The following RBPJ variants were observed in gnomAD, a reference collection of about 807,000 sequenced individuals.
RBPJ encodes recombination signal binding protein for immunoglobulin kappa J region.
In RBPJ, 9 loss-of-function variants were observed where a neutral mutation model predicts 67.8. That is an observed-to-expected ratio of 0.13 (90% CI 0.08 to 0.23). RBPJ has a LOEUF of 0.23. Among genes scored for constraint, RBPJ ranks in the 10% least tolerant of loss-of-function variants. The pLI is 1.00. For missense variants in RBPJ, 305 were observed against 595.6 expected, an observed-to-expected ratio of 0.51 and a Z score of 5.08; for synonymous variants, 198 against 203.3, an observed-to-expected ratio of 0.97 and a Z score of 0.22.
At chr4:26,143,897 C>T in the RBPJ span, among the ~76,000 whole-genome samples, 1 of 152,178 alleles carries the variant, frequency 6.6e-6, no homozygotes, top group African/African-American at 2.4e-5. Context: ...CACTGCACTC[C>T]AGCCTGCGCA....
chr4:26,189,185 C>G (rs888108942), intron 1 of RBPJ, among the ~76,000 whole-genome samples: 8 of 152,040 alleles, frequency 5.3e-5, no homozygotes, highest in Admixed American at 5.2e-4. Context: ...CTACTGTACT[C>G]CTGCCTGGGC....
chr4:26,321,104 G>A, intron 1 of RBPJ, 56 bp downstream of exon 1: 1 of 1,426,854 alleles, frequency 7.0e-7, no homozygotes, highest in Non-Finnish European at 9.8e-7. Flanking sequence ...GCGTCTGGCA[G>A]CTCACGGCGG....
At chr4:26,319,415 G>C (rs1204305936), upstream of RBPJ, among the ~76,000 whole-genome samples, 6 of 143,604 alleles carry the variant, frequency 4.2e-5, no homozygotes, top group South Asian at 4.8e-4. Flanking sequence ...CCTCCGCCCC[G>C]TGCTCCCAGC....
chr4:26,230,577 A>G (rs1033440625), intron 1 of RBPJ, among the ~76,000 whole-genome samples: 1 of 152,204 alleles, frequency 6.6e-6, no homozygotes, highest in Non-Finnish European at 1.5e-5. Flanking sequence ...TTGGACCTTG[A>G]AAGACTAACT....
chr4:26,400,519 A>G (rs987051246), intron 2 of RBPJ, among the ~76,000 whole-genome samples: 4 of 152,104 alleles, frequency 2.6e-5, no homozygotes, highest in Non-Finnish European at 4.4e-5. Flanking sequence ...TTTACTATTT[A>G]TTGTGTTTCT....
intron 1 of RBPJ, among the ~76,000 whole-genome samples, chr4:26,236,857 T>C (rs77232366): frequency 0.012 from 1,862 of 152,288 alleles, 37 homozygotes; most frequent in African/African-American, 0.043. Flanking sequence ...GTAGCTATTA[T>C]TACAATGGCC....
At chr4:26,232,748 C>T (rs1719333117) in intron 1 of RBPJ, among the ~76,000 whole-genome samples, 1 of 152,176 alleles carries the variant, frequency 6.6e-6, no homozygotes, top group African/African-American at 2.4e-5. Flanking sequence ...TATGTGGTCC[C>T]TGCAGCCAGT....
At chr4:26,320,501 G>A (rs1017594295), upstream of RBPJ, 11 of 472,624 alleles carry the variant, frequency 2.3e-5, no homozygotes, top group African/African-American at 2.0e-4. Flanking sequence ...GGCGCCCAGG[G>A]AACGTTTGAA....
Position 26,430,551 on chromosome 4 carries a change from A to C in RBPJ, c.1148+29A>C. 6.4e-7 allele frequency: 1 copy of C among 1,559,130 alleles called. No individual in the cohort carries two copies. The highest frequency in any genetic ancestry group is 8.7e-7 in the Non-Finnish European group (1 of 1,144,240). On this transcript the variant is annotated intron_variant, in intron 10 of 10. Transcript: ENST00000355476. The surrounding 1 kb of genome is among the most constrained non-coding windows in gnomAD (Gnocchi z 4.1). ...CTTGATAAAACTTTTTGCATCATCC[A>C]GAGGTTGTGAGGGGTGTGGGTACAG... is the stretch of plus-strand genomic sequence containing the variant.
At chr4:26,346,018 A>AACACAC (rs146763637) in intron 1 of RBPJ, among the ~76,000 whole-genome samples, 1 of 151,608 alleles carries the variant, frequency 6.6e-6, no homozygotes, top group Non-Finnish European at 1.5e-5. Context: ...TGGAAATTAA[A>AACACAC]ACACACACAC....
In RBPJ at chr4:26,215,309, AAG is replaced by A. The variant is rs1185697140; in HGVS notation, c.-167+51699_-167+51700del. 5.9e-5 allele frequency among the ~76,000 whole-genome samples: 7 copies of A among 118,810 alleles called. 1 individual carries two copies. The highest frequency in any genetic ancestry group is 8.9e-5 in the Admixed American group (1 of 11,206). The allele number at this position is 118,810 out of a possible 152,430, so 77.9% of individuals were successfully genotyped here. On this transcript the variant is annotated intron_variant, in intron 1 of 4. Coordinates refer to the RBPJ transcript ENST00000512351. ...GAAAGAAAGAGAAAAAGAGAGAGAA[AAG>A]AGAAAGAAAGAAAGAAAAAGAGAGA...
intron 1 of RBPJ, among the ~76,000 whole-genome samples, chr4:26,336,321 A>G (rs1055602503): frequency 6.6e-6 from 1 of 152,118 alleles, no homozygotes; most frequent in Admixed American, 6.5e-5. Flanking sequence ...TACTATTTCT[A>G]TGAAAGATTA....
At chr4:26,150,562 C>T in the RBPJ span, among the ~76,000 whole-genome samples, 3 of 152,176 alleles carry the variant, frequency 2.0e-5, no homozygotes, top group African/African-American at 4.8e-5. Context: ...TGCAGCCTTA[C>T]GGAAGCTACT....
At chr4:26,205,553 C>A (rs1718140037) in intron 1 of RBPJ, among the ~76,000 whole-genome samples, 1 of 152,052 alleles carries the variant, frequency 6.6e-6, no homozygotes, top group Non-Finnish European at 1.5e-5. Context: ...GATTCCAGAC[C>A]AGCCTGGGCA....
chr4:26,270,001 G>A (rs796655114), intron 1 of RBPJ, among the ~76,000 whole-genome samples: 10 of 152,082 alleles, frequency 6.6e-5, no homozygotes, highest in African/African-American at 2.4e-4. Context: ...CTGGTATGGG[G>A]CCAGGCACGG....
chr4:26,348,946 ATCC>A (rs1175100745), intron 1 of RBPJ, among the ~76,000 whole-genome samples: 1 of 152,172 alleles, frequency 6.6e-6, no homozygotes, highest in Non-Finnish European at 1.5e-5. Context: ...GCTTCTAGTT[ATCC>A]TCCTACCTAG....
intron 1 of RBPJ, among the ~76,000 whole-genome samples, chr4:26,288,805 C>G (rs983566150): frequency 3.3e-5 from 5 of 152,292 alleles, no homozygotes; most frequent in East Asian, 3.9e-4. Flanking sequence ...GGAACAACAG[C>G]ATTAATATCC....
At chr4:26,358,897 C>T (rs576977374) in intron 1 of RBPJ, among the ~76,000 whole-genome samples, 23 of 152,276 alleles carry the variant, frequency 1.5e-4, no homozygotes, top group Admixed American at 1.3e-3. Context: ...TTCTAAGTGC[C>T]TTACATGTAT....
At chr4:26,300,141 G>A (rs1722028449) in intron 1 of RBPJ, among the ~76,000 whole-genome samples, 1 of 152,050 alleles carries the variant, frequency 6.6e-6, no homozygotes, top group Non-Finnish European at 1.5e-5. Flanking sequence ...CTTCTGACCA[G>A]AGTGTCCTTG....
Sources: gnomAD v4.1 joint callset for allele counts (sites outside exome capture counted in the v4.1 genomes callset) on GRCh38, gnomAD v4.1.1 for gene constraint, Gnocchi (gnomAD v3.1) non-coding constraint, MANE v1.5 for transcripts, NCBI Gene and HGNC (gene_info 2026-07-23, HGNC 2026-07-21) for gene names.